The following LYSMD1 variants were observed in gnomAD, a reference collection of about 807,000 sequenced individuals.
The protein encoded by LYSMD1 is LysM domain containing 1.
In LYSMD1, 9 loss-of-function variants were observed where a neutral mutation model predicts 19.3. The observed-to-expected ratio is 0.47, with a 90% CI of 0.28 to 0.81. The LOEUF (loss-of-function observed/expected upper bound fraction) is 0.81. LYSMD1 is among the 40% of genes least tolerant of loss of function. LYSMD1 has a pLI of 0.11. For synonymous variants in LYSMD1, 111 were observed against 111.7 expected (o/e 0.99, Z 0.04); for missense variants, 262 against 279.8 (o/e 0.94, Z 0.45).
rs766292534 is a variant in LYSMD1, at chr1:151,165,248, G to A, written c.11C>T (p.Pro4Leu). 3.1e-5 allele frequency: 50 copies of A among 1,612,396 alleles called. No individual in the cohort carries two copies. The highest frequency in any genetic ancestry group is 2.5e-4 in the East Asian group (11 of 44,856). Residue 4 changes from proline (P) to leucine (L), a missense_variant, in exon 1 of 3, where the codon CCG (proline) becomes CTG (leucine). By Grantham distance (98) the Pro-to-Leu change is moderately conservative (BLOSUM62 -3). Coordinates refer to ENST00000368908, the MANE Select transcript of LYSMD1 (RefSeq NM_212551.5). ...CCCCCCTGGCGGGGGCTGTCTAGAC[G>A]GGGAAGCCATCTCTTCACCCTGCCA... MAS[P>L]SRQPPPGGSG...
downstream of LYSMD1, among the ~76,000 whole-genome samples, chr1:151,155,827 C>A (rs766725696): frequency 6.6e-6 from 1 of 151,726 alleles, no homozygotes; most frequent in Non-Finnish European, 1.5e-5. Context: ...GTAGGCCCTG[C>A]GGGGTGCGTT....
At chr1:151,159,343 A>C, downstream of LYSMD1, 1 of 1,288,794 alleles carries the variant, frequency 7.8e-7, no homozygotes. Flanking sequence ...ACCTGGCACT[A>C]ACACTTTTCA....
chr1:151,158,149 G>T (rs1032154997), downstream of LYSMD1, among the ~76,000 whole-genome samples: 1 of 151,654 alleles, frequency 6.6e-6, no homozygotes, highest in South Asian at 2.1e-4. Context: ...ATGGTGAAAC[G>T]CTGTCTCTAC....
Position 151,165,251 on chromosome 1 carries a change from G to C in LYSMD1, c.8C>G (p.Ser3Cys), listed in dbSNP as rs767247516. MA[S>C]PSRQPPPGGS... ...CCCTGGCGGGGGCTGTCTAGACGGGGAAGCCATCTCTTCACCCTGCCAACA... is the reference window on the plus strand; with the variant it reads ...CCCTGGCGGGGGCTGTCTAGACGGGCAAGCCATCTCTTCACCCTGCCAACA... The change falls in exon 1 of 3, where the codon TCC (serine) becomes TGC (cysteine). Residue 3 changes from serine to cysteine, a missense_variant. Ser to Cys is a moderately radical substitution (Grantham distance 112, BLOSUM62 -1). Transcript: ENST00000368908. The C allele has an allele frequency of 6.2e-7, 1 of 1,612,198 alleles. No homozygotes were observed. Among genetic ancestry groups the C allele is most frequent in the Non-Finnish European group, 8.5e-7 (1 of 1,179,000 alleles).
At chr1:151,161,697 G>C (rs777152336) in intron 2 of LYSMD1, 39 bp downstream of exon 2, 1 of 1,589,290 alleles carries the variant, frequency 6.3e-7, no homozygotes, top group East Asian at 2.2e-5. Flanking sequence ...TGATGGAGGA[G>C]TCTAGGGAGG....
rs587598435 is a variant in LYSMD1, at chr1:151,165,490, C to A, written c.-232G>T. The stretch of plus-strand genomic sequence containing the variant: ...GAGTATTCAGTCCCTCCCTAATTCT[C>A]CCCTAAGCACCCCTCCGACTTTGGA... On this transcript the variant is annotated 5_prime_UTR_variant, in exon 1 of 3. Transcript: ENST00000368908. 2 of 1,437,344 alleles carry A rather than the reference C, an allele frequency of 1.4e-6. No individual in the cohort carries two copies. Among genetic ancestry groups the A allele is most frequent in the African/African-American group, 2.9e-5 (2 of 69,840 alleles). The allele number at this position is 1,437,344 out of a possible 1,614,324, so 89.0% of individuals were successfully genotyped here. A position where few individuals can be genotyped will look rare whatever the true frequency, so the allele number is the denominator to read the frequency against.
the LYSMD1 span, among the ~76,000 whole-genome samples, chr1:151,149,237 C>T: frequency 6.7e-6 from 1 of 149,696 alleles, no homozygotes; most frequent in African/African-American, 2.5e-5. Flanking sequence ...GCTAAAAATA[C>T]AAAAAAAAAT....
downstream of LYSMD1, chr1:151,159,122 G>A (rs374820143): frequency 4.7e-5 from 76 of 1,614,090 alleles, no homozygotes; most frequent in Admixed American, 1.5e-4. Flanking sequence ...TCACATGGCC[G>A]CATCCGCCAC....
downstream of LYSMD1, among the ~76,000 whole-genome samples, chr1:151,155,573 A>C (rs1185225170): frequency 6.6e-6 from 1 of 152,062 alleles, no homozygotes; most frequent in Non-Finnish European, 1.5e-5. Context: ...TCTACAAAAA[A>C]AAGGAAGGCT....
Position 151,164,692 on chromosome 1 carries a change from G to C in LYSMD1, c.180+387C>G, listed in dbSNP as rs114563092. Among the ~76,000 whole-genome samples the C allele has an allele frequency of 3.8e-3, 581 of 152,288 alleles. 6 individuals are homozygous for C. Among genetic ancestry groups the C allele is most frequent in the African/African-American group, 0.013 (557 of 41,558 alleles). ...CATAAAATTTTCTGTGTGGTTAATA[G>C]AGTCAGACAGACCTGTTTGAATCCC... On this transcript the variant is annotated intron_variant, in intron 1 of 2. Transcript: ENST00000368908.
chr1:151,156,100 C>CAAAA (rs751524835), downstream of LYSMD1, among the ~76,000 whole-genome samples: 1,979 of 38,126 alleles, frequency 0.052, 250 homozygotes, highest in Non-Finnish European at 0.074. Context: ...AACTCTGTCT[C>CAAAA]AAAAAAAAAA....
chr1:151,165,578 ACT>A lies in LYSMD1; in HGVS notation c.-322_-321del. The A allele has an allele frequency of 6.7e-7, 1 of 1,482,224 alleles. No individual in the cohort carries two copies. The highest frequency in any genetic ancestry group is 8.9e-7 in the Non-Finnish European group (1 of 1,121,978). The allele number at this position is 1,482,224 out of a possible 1,614,324, so 91.8% of individuals were successfully genotyped here. ...TTGAACTCTAGAAATAATCCTCAAC[ACT>A]CTTTCCTCAGTTTGCCCCCAAGTAG... On this transcript the variant is annotated 5_prime_UTR_variant, in exon 1 of 3. An upstream open reading frame in the 5' UTR loses its in-frame stop. Transcript: ENST00000368908.
Position 151,164,371 on chromosome 1 carries a change from T to C in LYSMD1, c.180+708A>G, listed in dbSNP as rs996348226. 9.9e-5 allele frequency among the ~76,000 whole-genome samples: 15 copies of C among 152,186 alleles called. 1 individual carries two copies. Among genetic ancestry groups the C allele is most frequent in the African/African-American group, 3.4e-4 (14 of 41,442 alleles). Reference sequence around the variant, plus strand: ...GCTTTAAATACAGCAAGCATAAAAATGTTGGCTAAATTCAACATTTGTTTG... The same window carrying C: ...GCTTTAAATACAGCAAGCATAAAAACGTTGGCTAAATTCAACATTTGTTTG... On this transcript the variant is annotated intron_variant, in intron 1 of 2. Coordinates refer to ENST00000368908, the MANE Select transcript of LYSMD1 (RefSeq NM_212551.5).
intron 1 of LYSMD1, among the ~76,000 whole-genome samples, chr1:151,164,113 C>T (rs373689070): frequency 4.0e-4 from 60 of 151,508 alleles, no homozygotes; most frequent in Middle Eastern, 3.5e-3. Flanking sequence ...AGACTGGTCT[C>T]GTACTCGTAA....
At position 151,165,231 on chromosome 1, in the gene LYSMD1, G is replaced by A. The variant is rs746004506; in HGVS notation, c.28C>T (p.Pro10Ser). The change falls in exon 1 of 3, where the codon CCA (proline) becomes TCA (serine). Residue 10 changes from proline to serine, a missense_variant. Pro to Ser is a moderately conservative substitution (Grantham distance 74). Transcript: ENST00000368908. Reference protein sequence around the residue: MASPSRQPPPGGSGLLQGSR... With the variant: MASPSRQPPSGGSGLLQGSR... ...CCTTGAAGCAGTCCTGACCCCCCTG[G>A]CGGGGGCTGTCTAGACGGGGAAGCC... The A allele has an allele frequency of 1.9e-6, 3 of 1,613,984 alleles. No homozygotes were observed. Among genetic ancestry groups the A allele is most frequent in the Non-Finnish European group, 2.5e-6 (3 of 1,179,914 alleles).
downstream of LYSMD1, among the ~76,000 whole-genome samples, chr1:151,156,113 A>AT (rs1326503501): frequency 3.5e-4 from 52 of 149,868 alleles, 1 homozygote; most frequent in Non-Finnish European, 6.1e-4. Flanking sequence ...AAAAAAAAAA[A>AT]AAAAAAAAAA....
chr1:151,153,973 AT>A, the LYSMD1 span, among the ~76,000 whole-genome samples: 1 of 151,818 alleles, frequency 6.6e-6, no homozygotes, highest in South Asian at 2.1e-4. Context: ...AAAAAAAAAA[AT>A]GAGAGAGAAA....
the LYSMD1 span, among the ~76,000 whole-genome samples, chr1:151,152,346 G>A: frequency 4.1e-4 from 62 of 151,646 alleles, no homozygotes; most frequent in African/African-American, 1.5e-3. Flanking sequence ...GCAGTGAGCC[G>A]AGATCGTGCC....
the LYSMD1 span, among the ~76,000 whole-genome samples, chr1:151,152,292 G>C: frequency 6.6e-6 from 1 of 152,064 alleles, no homozygotes; most frequent in Non-Finnish European, 1.5e-5. Flanking sequence ...AGCTACTCAG[G>C]AGGCTGAGGC....
Sources: allele counts gnomAD v4.1 joint callset (sites outside exome capture counted in the v4.1 genomes callset), GRCh38; gene constraint gnomAD v4.1.1; transcripts MANE v1.5; gene names NCBI Gene and HGNC (gene_info 2026-07-23, HGNC 2026-07-21).